Variants in INPP4A observed in about 807,000 individuals in gnomAD.
The protein encoded by INPP4A is inositol polyphosphate-4-phosphatase, type I, 107kD.
In INPP4A, 33 loss-of-function variants were observed where a neutral mutation model predicts 119.8. The observed-to-expected ratio is 0.28, with a 90% CI of 0.21 to 0.37. The LOEUF is 0.37. Ranked by LOEUF, INPP4A falls within the 10% of genes least tolerant of loss-of-function variation. INPP4A has a pLI of 1.00. For missense variants in INPP4A, 956 were observed against 1,289.9 expected (o/e 0.74, Z 3.97); for synonymous variants, 496 against 500.7 (o/e 0.99, Z 0.12).
At chr2:98,567,076 A>G (rs1415362570) in intron 21 of INPP4A, among the ~76,000 whole-genome samples, 1 of 152,182 alleles carries the variant, frequency 6.6e-6, no homozygotes, top group East Asian at 1.9e-4. Flanking sequence ...AAGAACTCTC[A>G]GTGGGGCAGG....
chr2:98,452,656 G>A (rs1448400316), intron 1 of INPP4A, among the ~76,000 whole-genome samples: 2 of 152,066 alleles, frequency 1.3e-5, no homozygotes, highest in African/African-American at 2.4e-5. Flanking sequence ...CCCCCCATTC[G>A]CCAGCTTGTC....
intron 24 of INPP4A, among the ~76,000 whole-genome samples, chr2:98,579,926 G>A (rs1699031655): frequency 6.6e-6 from 1 of 152,268 alleles, no homozygotes; most frequent in Non-Finnish European, 1.5e-5. Flanking sequence ...TCTCGCACCA[G>A]CTCTGGGGAC....
intron 4 of INPP4A, among the ~76,000 whole-genome samples, chr2:98,529,596 C>G (rs558581383): frequency 6.6e-6 from 1 of 151,860 alleles, no homozygotes; most frequent in African/African-American, 2.4e-5. Context: ...ATTAGCTGGG[C>G]GTGGTGGTGG....
chr2:98,529,931 T>C (rs1688895650), intron 4 of INPP4A, among the ~76,000 whole-genome samples: 1 of 151,950 alleles, frequency 6.6e-6, no homozygotes, highest in Non-Finnish European at 1.5e-5. Context: ...GAAAGAGAGA[T>C]TGTTAATGAA....
intron 4 of INPP4A, among the ~76,000 whole-genome samples, chr2:98,533,011 G>A (rs17033137): frequency 0.033 from 5,014 of 152,260 alleles, 294 homozygotes; most frequent in African/African-American, 0.11. Context: ...CTTAGATTTC[G>A]TAGACTCTGT....
In INPP4A at chr2:98,519,879, C is replaced by A. The variant is rs1002766523; in HGVS notation, c.-103-67C>A. The A allele has an allele frequency of 2.4e-4, 152 of 626,212 alleles. 1 individual carries two copies. Among genetic ancestry groups the A allele is most frequent in the Middle Eastern group, 5.3e-4 (2 of 3,772 alleles). The allele number at this position is 626,212 out of a possible 1,614,324, so 38.8% of individuals were successfully genotyped here. Reference sequence around the variant, plus strand: ...TCGCCCCCGGTAGGTCACGTTCTTTCTAAATGAGAGCATGATTTCTCTCCA... The same window carrying A: ...TCGCCCCCGGTAGGTCACGTTCTTTATAAATGAGAGCATGATTTCTCTCCA... On this transcript the variant is annotated intron_variant, in intron 2 of 24. Transcript: ENST00000409851.
At chr2:98,450,079 T>G (rs987296664) in intron 1 of INPP4A, among the ~76,000 whole-genome samples, 2 of 152,202 alleles carry the variant, frequency 1.3e-5, no homozygotes, top group East Asian at 3.8e-4. Flanking sequence ...TAGAATGTTT[T>G]TTTAAGTGTG....
rs776521943 is a variant in INPP4A at position 98,552,781 on chromosome 2, T to C, written c.1164-5T>C. On this transcript the variant is annotated splice_polypyrimidine_tract_variant and splice_region_variant and intron_variant, in intron 13 of 24. Coordinates refer to ENST00000409851, the MANE Select transcript of INPP4A (RefSeq NM_001134225.2). ...TCCCTTAGAATCCATTCTTATCCTTTCCAGTACATCATCTGGCTGCCAGTC... is the reference window on the plus strand; with the variant it reads ...TCCCTTAGAATCCATTCTTATCCTTCCCAGTACATCATCTGGCTGCCAGTC... 2.1e-5 allele frequency: 33 copies of C among 1,607,948 alleles called. No individual in the cohort carries two copies. Among genetic ancestry groups the C allele is most frequent in the African/African-American group, 2.7e-5 (2 of 74,758 alleles).
At chr2:98,472,010 T>C (rs1676125877) in intron 1 of INPP4A, among the ~76,000 whole-genome samples, 4 of 152,222 alleles carry the variant, frequency 2.6e-5, no homozygotes, top group Admixed American at 2.6e-4. Context: ...CCTCTTTTTG[T>C]GCCCCACAAG....
At chr2:98,515,940 C>T (rs540338291) in intron 1 of INPP4A, among the ~76,000 whole-genome samples, 1 of 152,306 alleles carries the variant, frequency 6.6e-6, no homozygotes, top group African/African-American at 2.4e-5. Flanking sequence ...CGCCTCTTGT[C>T]GGAGGGGTCA....
rs1282568955 is a variant in INPP4A, at chr2:98,533,623, A to G, written c.270+128A>G. ...TTACGTGAGTTGTTGCTATTTTCCC[A>G]TGGGTTTTCAGTACATTGATATTTT... On this transcript the variant is annotated intron_variant, in intron 5 of 24. Coordinates refer to ENST00000409851, the MANE Select transcript of INPP4A (RefSeq NM_001134225.2). 5 of 629,328 alleles carry G rather than the reference A, an allele frequency of 7.9e-6. No individual in the cohort carries two copies. In the Admixed American group the frequency reaches 1.0e-4, roughly 13 times the overall value. 39.0% of individuals were successfully genotyped at this position (629,328 alleles called of 1,614,324 possible).
At chr2:98,552,413 A>AT (rs1693694083) in intron 13 of INPP4A, among the ~76,000 whole-genome samples, 1 of 152,170 alleles carries the variant, frequency 6.6e-6, no homozygotes, top group African/African-American at 2.4e-5. Context: ...AATGGCCTCT[A>AT]TGTCTCCACT....
At chr2:98,530,711 G>A (rs1482705939) in intron 4 of INPP4A, among the ~76,000 whole-genome samples, 4 of 152,102 alleles carry the variant, frequency 2.6e-5, no homozygotes, top group African/African-American at 9.7e-5. Context: ...TGAATTCTCA[G>A]AAACATGAGG....
At chr2:98,533,930 C>T (rs1043210950) in intron 5 of INPP4A, among the ~76,000 whole-genome samples, 8 of 152,160 alleles carry the variant, frequency 5.3e-5, no homozygotes, top group African/African-American at 1.9e-4. Flanking sequence ...AGTTTTGTGT[C>T]ACATGTTAAC....
At chr2:98,571,860 G>A (rs1697520068) in intron 22 of INPP4A, 1 of 152,492 alleles carries the variant, frequency 6.6e-6, no homozygotes, top group Admixed American at 6.5e-5. Flanking sequence ...ACCTGGCTAA[G>A]CTCCCCTCCT....
intron 1 of INPP4A, among the ~76,000 whole-genome samples, chr2:98,512,842 G>T (rs931628364): frequency 2.0e-5 from 3 of 152,212 alleles, no homozygotes; most frequent in African/African-American, 7.2e-5. Flanking sequence ...GAGGCATGAG[G>T]AAGGCCTTCC....
chr2:98,445,733 A>G (rs1694073623), intron 1 of INPP4A, among the ~76,000 whole-genome samples: 1 of 152,138 alleles, frequency 6.6e-6, no homozygotes, highest in Admixed American at 6.5e-5. Flanking sequence ...AAGGAAGGGA[A>G]TGTTGATGGT....
At chr2:98,461,559 C>T (rs1272168845) in intron 1 of INPP4A, among the ~76,000 whole-genome samples, 3 of 152,212 alleles carry the variant, frequency 2.0e-5, no homozygotes, top group Non-Finnish European at 4.4e-5. Context: ...AATAGGCAAA[C>T]ATTTTCATGG....
At chr2:98,531,215 C>G (rs754235011) in intron 4 of INPP4A, among the ~76,000 whole-genome samples, 16 of 152,064 alleles carry the variant, frequency 1.1e-4, no homozygotes, top group Non-Finnish European at 1.9e-4. Flanking sequence ...TTTAGGGGGA[C>G]ACAAACATTC....
Sources: gnomAD v4.1 joint callset for allele counts (sites outside exome capture counted in the v4.1 genomes callset) on GRCh38, gnomAD v4.1.1 for gene constraint, MANE v1.5 for transcripts, NCBI Gene and HGNC (gene_info 2026-07-23, HGNC 2026-07-21) for gene names.